Variants in NEXN observed in about 807,000 individuals in gnomAD.
NEXN encodes the protein nexilin.
NEXN carries 65 observed loss-of-function variants against 92.6 expected under a neutral mutation model. That is an observed-to-expected ratio of 0.70 (90% CI 0.57 to 0.86). The LOEUF is 0.86. NEXN is among the 40% of genes least tolerant of loss of function. NEXN has a pLI of 0.00. For synonymous variants in NEXN, 254 were observed against 242.5 expected (o/e 1.05, Z -0.44); for missense variants, 778 against 771.1 (o/e 1.01, Z -0.11).
At chr1:77,894,749 T>A (rs780469104) in intron 1 of NEXN, among the ~76,000 whole-genome samples, 36 of 152,122 alleles carry the variant, frequency 2.4e-4, no homozygotes, top group Non-Finnish European at 4.7e-4. Context: ...GGAGTCTTGC[T>A]CTGTAGCCCA....
At chr1:77,916,630 C>T (rs1648996170) in intron 2 of NEXN, among the ~76,000 whole-genome samples, 1 of 151,850 alleles carries the variant, frequency 6.6e-6, no homozygotes. Flanking sequence ...TAAAGTTAAC[C>T]CTTAAATGGC....
intron 1 of NEXN, among the ~76,000 whole-genome samples, chr1:77,896,360 C>A (rs1308489840): frequency 6.6e-6 from 1 of 151,970 alleles, no homozygotes; most frequent in African/African-American, 2.4e-5. Flanking sequence ...TTGTTTATTT[C>A]TCATCCTCTG....
intron 5 of NEXN, among the ~76,000 whole-genome samples, chr1:77,924,623 G>A (rs918337086): frequency 3.3e-5 from 5 of 151,490 alleles, no homozygotes; most frequent in African/African-American, 1.2e-4. Flanking sequence ...CAGTTTCTGG[G>A]TTACAGAGGG....
chr1:77,914,545 A>G (rs2102082117), intron 1 of NEXN, among the ~76,000 whole-genome samples: 1 of 152,296 alleles, frequency 6.6e-6, no homozygotes, highest in Non-Finnish European at 1.5e-5. Context: ...ATGTTAATGA[A>G]CTAAATGCTG....
At chr1:77,895,914 A>G (rs577278532) in intron 1 of NEXN, among the ~76,000 whole-genome samples, 1 of 152,034 alleles carries the variant, frequency 6.6e-6, no homozygotes, top group Non-Finnish European at 1.5e-5. Context: ...AGTGGCTCAC[A>G]TCTGTAATCC....
chr1:77,942,452 T>C lies in NEXN; in HGVS notation c.1660-9T>C. 2 of 1,612,712 alleles carry C rather than the reference T, an allele frequency of 1.2e-6. No homozygotes were observed. Among genetic ancestry groups the C allele is most frequent in the Non-Finnish European group, 1.7e-6 (2 of 1,179,136 alleles). ...AAATGCCAACCTGAATGCATTTATT[T>C]TAATACAGAAAAGAGAAGAGGAGGA... On this transcript the variant is annotated splice_polypyrimidine_tract_variant and intron_variant, in intron 12 of 12. Coordinates refer to ENST00000334785, the MANE Select transcript of NEXN (RefSeq NM_144573.4).
Position 77,942,565 on chromosome 1 carries a change from T to C in NEXN, c.1764T>C (p.Leu588=), listed in dbSNP as rs759567443. The C allele has an allele frequency of 1.2e-6, 2 of 1,613,714 alleles. No homozygotes were observed. Among genetic ancestry groups the C allele is most frequent in the Non-Finnish European group, 8.5e-7 (1 of 1,179,828 alleles). Residue 588 remains leucine (L), a synonymous_variant, in exon 13 of 13, where the codon CTT becomes CTC. Coordinates refer to ENST00000334785, the MANE Select transcript of NEXN (RefSeq NM_144573.4). ...RSGAPWFKKP[L]KNTSVVDSEP... is the part of the protein sequence containing the mutation. ...GAGCTCCATGGTTCAAGAAGCCTCT[T>C]AAAAACACATCAGTTGTAGACAGTG...
chr1:77,922,408 C>T (rs1291690762), intron 5 of NEXN, among the ~76,000 whole-genome samples: 2 of 151,974 alleles, frequency 1.3e-5, no homozygotes, highest in South Asian at 2.1e-4. Flanking sequence ...GGATTACAGG[C>T]GTGAGCCACC....
chr1:77,933,229 C>T (rs1640692796), intron 9 of NEXN, 53 bp from the exon 10 acceptor site: 1 of 1,121,050 alleles, frequency 8.9e-7, no homozygotes. Context: ...GAAATAGTCC[C>T]TTTTTAGTAT....
rs544150894 is a variant in NEXN at position 77,938,421 on chromosome 1, C to T, written c.1473+2377C>T. On this transcript the variant is annotated intron_variant, in intron 11 of 12. Transcript: ENST00000334785. ...ATCCCGGCACTTTGGGAGGCCGAGG[C>T]GGGCGGATCACCAGGTCAAGAGATC... Among the ~76,000 whole-genome samples the T allele has an allele frequency of 8.2e-4, 124 of 152,028 alleles. 1 individual carries two copies. Among genetic ancestry groups the T allele is most frequent in the Non-Finnish European group, 1.1e-3 (78 of 67,954 alleles).
chr1:77,932,367 T>C (rs1001639283), intron 9 of NEXN, among the ~76,000 whole-genome samples: 2 of 152,264 alleles, frequency 1.3e-5, no homozygotes, highest in Non-Finnish European at 1.5e-5. Context: ...CATAGGGTCA[T>C]AGGATTAAAT....
chr1:77,937,832 G>C (rs1227435612), intron 11 of NEXN, among the ~76,000 whole-genome samples: 3 of 152,206 alleles, frequency 2.0e-5, no homozygotes, highest in Non-Finnish European at 4.4e-5. Flanking sequence ...GTTGGGGATT[G>C]GGAGGGATAG....
chr1:77,930,406 AGTTACT>A (rs1650196108), intron 9 of NEXN, among the ~76,000 whole-genome samples: 1 of 152,146 alleles, frequency 6.6e-6, no homozygotes, highest in South Asian at 2.1e-4. Context: ...CTATAATCCA[AGTTACT>A]GTTACAACTT....
intron 1 of NEXN, among the ~76,000 whole-genome samples, chr1:77,910,110 T>A (rs1251756435): frequency 6.6e-6 from 1 of 152,202 alleles, no homozygotes; most frequent in African/African-American, 2.4e-5. Flanking sequence ...TATGATTATC[T>A]CAATAGACAC....
Position 77,942,730 on chromosome 1 carries a change from A to C in NEXN, c.1929A>C (p.Glu643Asp). The change falls in exon 13 of 13, where the codon GAA (glutamate) becomes GAC (aspartate). Residue 643 changes from glutamate (E) to aspartate (D), a missense_variant. By Grantham distance (45) the Glu-to-Asp change is conservative (BLOSUM62 2). Around this residue, in one of 3 missense-constraint regions of NEXN, gnomAD observed 532 missense variants for 476.7 expected, o/e 1.12. Coordinates refer to ENST00000334785, the MANE Select transcript of NEXN (RefSeq NM_144573.4). ...AAACTTACTGCCTTTACTTACCAGAAACTTTCCCAGAAGATGGAGGAGAGT... is the reference window on the plus strand; with the variant it reads ...AAACTTACTGCCTTTACTTACCAGACACTTTCCCAGAAGATGGAGGAGAGT... ...RGETYCLYLP[E>D]TFPEDGGEYM... 1 of 1,613,830 alleles carries C rather than the reference A, an allele frequency of 6.2e-7. No homozygotes were observed. The highest frequency in any genetic ancestry group is 8.5e-7 in the Non-Finnish European group (1 of 1,179,766).
chr1:77,942,666 T>G lies in NEXN; in HGVS notation c.1865T>G (p.Leu622Arg). The G allele has an allele frequency of 6.2e-7, 1 of 1,613,740 alleles. No homozygotes were observed. Among genetic ancestry groups the G allele is most frequent in the African/African-American group, 1.3e-5 (1 of 75,008 alleles). ...ACATGGTGGTTTGAAGGAGAAATAC[T>G]GCAGGATGGAGAAGACTATCAATAT... The part of the protein sequence containing the change: ...EITWWFEGEI[L>R]QDGEDYQYIE... Residue 622 changes from leucine (L) to arginine (R), a missense_variant, in exon 13 of 13, where the codon CTG becomes CGG. By Grantham distance (102) the Leu-to-Arg change is moderately radical (BLOSUM62 -2). Transcript: ENST00000334785.
chr1:77,895,693 A>T (rs1557958520), intron 1 of NEXN, among the ~76,000 whole-genome samples: 1 of 151,912 alleles, frequency 6.6e-6, no homozygotes, highest in East Asian at 1.9e-4. Flanking sequence ...GTGAAACCCC[A>T]TCTCTGCTAA....
At chr1:77,934,485 TTGTA>T (rs1650585506) in intron 10 of NEXN, among the ~76,000 whole-genome samples, 2 of 152,218 alleles carry the variant, frequency 1.3e-5, no homozygotes, top group African/African-American at 4.8e-5. Context: ...AATTTGTGTG[TTGTA>T]TGTAAGTGAA....
chr1:77,933,766 A>G (rs986229150), intron 10 of NEXN, among the ~76,000 whole-genome samples: 63 of 152,258 alleles, frequency 4.1e-4, no homozygotes, highest in African/African-American at 1.5e-3. Flanking sequence ...TTCAATACAT[A>G]TATTATATAT....
Sources: gnomAD v4.1 joint callset for allele counts (sites outside exome capture counted in the v4.1 genomes callset) on GRCh38, gnomAD v4.1.1 for gene constraint, gnomAD v4.1.1 regional missense constraint, MANE v1.5 for transcripts, NCBI Gene and HGNC (gene_info 2026-07-23, HGNC 2026-07-21) for gene names.